PPP3R1: variants seen among roughly 807,000 people sequenced by gnomAD.
The protein encoded by PPP3R1 is calcineurin subunit B type 1.
A neutral mutation model predicts 22.6 loss-of-function variants in PPP3R1; 5 were observed. The ratio of observed to expected loss-of-function variants is 0.22; its 90% CI spans 0.12 to 0.46. The LOEUF (loss-of-function observed/expected upper bound fraction) is 0.46. Among genes scored for constraint, PPP3R1 ranks in the 20% least tolerant of loss-of-function variants. The pLI, the probability that PPP3R1 is intolerant of heterozygous loss-of-function variation, is 0.99. For missense variants in PPP3R1, 61 were observed against 203.2 expected, an observed-to-expected ratio of 0.30 and a Z score of 4.25; for synonymous variants, 56 against 65.2, an observed-to-expected ratio of 0.86 and a Z score of 0.68.
chr2:68,220,162 G>A (rs1669660256), intron 1 of PPP3R1, among the ~76,000 whole-genome samples: 1 of 152,196 alleles, frequency 6.6e-6, no homozygotes, highest in Non-Finnish European at 1.5e-5. Flanking sequence ...AAAGTTTCCA[G>A]GTTGCAGCAC....
chr2:68,210,319 G>C (rs1669454569), intron 2 of PPP3R1, among the ~76,000 whole-genome samples: 1 of 152,090 alleles, frequency 6.6e-6, no homozygotes, highest in African/African-American at 2.4e-5. Context: ...GAACTTCTAA[G>C]CATGTAATTT....
chr2:68,250,163 A>C (rs1020516219), intron 1 of PPP3R1, among the ~76,000 whole-genome samples: 22 of 152,194 alleles, frequency 1.4e-4, no homozygotes, highest in African/African-American at 5.1e-4. Flanking sequence ...AAAAAAAAAA[A>C]CCCAACAGTT....
At chr2:68,225,051 G>GT (rs1669756590) in intron 1 of PPP3R1, among the ~76,000 whole-genome samples, 1 of 152,232 alleles carries the variant, frequency 6.6e-6, no homozygotes, top group African/African-American at 2.4e-5. Context: ...CACACAAAGT[G>GT]TAACTGAAGA....
rs180683272 is a variant in PPP3R1, at chr2:68,190,162, T to C, written c.44-1472A>G. Among the ~76,000 whole-genome samples the C allele has an allele frequency of 2.1e-4, 30 of 145,320 alleles. No individual in the cohort carries two copies. The East Asian group carries it at 4.8e-3, about 23-fold the overall frequency. On this transcript the variant is annotated intron_variant, in intron 2 of 5. Transcript: ENST00000234310. Reference sequence around the variant, plus strand: ...TATGAATTAGTTCACACGTAATTCGTAAAGAGGAAGGAGAGTAGTATTGTC... The same window carrying C: ...TATGAATTAGTTCACACGTAATTCGCAAAGAGGAAGGAGAGTAGTATTGTC...
At chr2:68,211,762 A>C (rs757623563) in intron 2 of PPP3R1, among the ~76,000 whole-genome samples, 19 of 152,228 alleles carry the variant, frequency 1.2e-4, no homozygotes, top group African/African-American at 4.1e-4. Context: ...TAATGTTCAC[A>C]GCATCTTCAC....
At position 68,252,244 on chromosome 2, in the gene PPP3R1, G is replaced by A. The variant is rs1418541084; in HGVS notation, c.-117C>T. On this transcript the variant is annotated 5_prime_UTR_variant, in exon 1 of 6. Transcript: ENST00000234310. ...CTGCGGCCCTCGGGTCGCCGGCGGG[G>A]AGGGGGCGCGCGTGGGGGAGGGGAG... is the stretch of plus-strand genomic sequence containing the variant. 53 of 1,095,754 alleles carry A rather than the reference G, an allele frequency of 4.8e-5. No homozygotes were observed. In the African/African-American group the frequency reaches 8.2e-4, roughly 17 times the overall value. The allele number at this position is 1,095,754 out of a possible 1,614,324, so 67.9% of individuals were successfully genotyped here. A position where few individuals can be genotyped will look rare whatever the true frequency, so the allele number is the denominator to read the frequency against.
At chr2:68,246,010 A>G (rs1312309223) in intron 1 of PPP3R1, among the ~76,000 whole-genome samples, 1 of 151,898 alleles carries the variant, frequency 6.6e-6, no homozygotes, top group Non-Finnish European at 1.5e-5. Flanking sequence ...TCTCTTTGAA[A>G]AGATTCAAAA....
At chr2:68,251,748 G>A (rs1007059936) in intron 1 of PPP3R1, among the ~76,000 whole-genome samples, 30 of 152,010 alleles carry the variant, frequency 2.0e-4, no homozygotes, top group Admixed American at 4.6e-4. Context: ...AGTGTGGAGG[G>A]GAGGGGGGTG....
intron 2 of PPP3R1, among the ~76,000 whole-genome samples, chr2:68,192,832 T>C (rs1254960034): frequency 1.3e-5 from 2 of 152,120 alleles, no homozygotes; most frequent in African/African-American, 4.8e-5. Context: ...ATTTCCATCT[T>C]ATCTCTTTCC....
chr2:68,182,826 T>G (rs1195984555), intron 5 of PPP3R1, among the ~76,000 whole-genome samples: 1 of 152,072 alleles, frequency 6.6e-6, no homozygotes, highest in African/African-American at 2.4e-5. Context: ...TCCTGCACAT[T>G]TGTTTGGTAC....
intron 2 of PPP3R1, among the ~76,000 whole-genome samples, chr2:68,197,289 A>G (rs1674801961): frequency 6.6e-6 from 1 of 152,142 alleles, no homozygotes; most frequent in African/African-American, 2.4e-5. Flanking sequence ...AGGATCATAC[A>G]GTAGGTACTC....
chr2:68,202,537 G>A (rs906537861), intron 2 of PPP3R1, among the ~76,000 whole-genome samples: 6 of 152,072 alleles, frequency 3.9e-5, no homozygotes, highest in Admixed American at 1.3e-4. Flanking sequence ...TGATTCTCCT[G>A]TCTCAGCCTT....
At chr2:68,199,336 A>G (rs1674908417) in intron 2 of PPP3R1, among the ~76,000 whole-genome samples, 1 of 152,218 alleles carries the variant, frequency 6.6e-6, no homozygotes, top group Non-Finnish European at 1.5e-5. Flanking sequence ...TGTATCCTAC[A>G]ATCTTGCCAA....
intron 1 of PPP3R1, among the ~76,000 whole-genome samples, chr2:68,249,971 A>C (rs1670312307): frequency 6.6e-6 from 1 of 152,210 alleles, no homozygotes; most frequent in Non-Finnish European, 1.5e-5. Context: ...AATTAACCAG[A>C]TCACTCCAAA....
chr2:68,216,407 C>CGTAG (rs1441628195), intron 2 of PPP3R1, among the ~76,000 whole-genome samples: 1 of 151,766 alleles, frequency 6.6e-6, no homozygotes, highest in Non-Finnish European at 1.5e-5. Context: ...TCACCCCTAC[C>CGTAG]CCTCCCTAAA....
intron 2 of PPP3R1, among the ~76,000 whole-genome samples, chr2:68,200,231 T>C (rs1401499582): frequency 6.6e-6 from 1 of 151,878 alleles, no homozygotes; most frequent in Non-Finnish European, 1.5e-5. Context: ...TTTTAACATC[T>C]GTAAGGATCT....
intron 2 of PPP3R1, among the ~76,000 whole-genome samples, chr2:68,192,830 C>T (rs919457882): frequency 2.0e-5 from 3 of 152,048 alleles, no homozygotes; most frequent in East Asian, 1.9e-4. Context: ...AAATTTCCAT[C>T]TTATCTCTTT....
intron 2 of PPP3R1, among the ~76,000 whole-genome samples, chr2:68,216,154 G>A (rs1013728896): frequency 3.3e-5 from 5 of 151,852 alleles, no homozygotes; most frequent in African/African-American, 1.2e-4. Context: ...AATTGGATAT[G>A]GTAAGTGACC....
intron 2 of PPP3R1, 107 bp from the exon 3 acceptor site, chr2:68,188,797 G>T: frequency 1.1e-6 from 1 of 892,322 alleles, no homozygotes; most frequent in Non-Finnish European, 1.6e-6. Flanking sequence ...TTATAGGGGG[G>T]AAAAAAAATC....
Sources: gnomAD v4.1 joint callset for allele counts (sites outside exome capture counted in the v4.1 genomes callset) on GRCh38, gnomAD v4.1.1 for gene constraint, MANE v1.5 for transcripts, NCBI Gene and HGNC (gene_info 2026-07-23, HGNC 2026-07-21) for gene names.